Variants in ASAP1 observed in about 807,000 individuals in gnomAD.
ASAP1 encodes the protein ArfGAP with SH3 domain, ankyrin repeat and PH domain 1, also known as arf-GAP with SH3 domain, ANK repeat and PH domain-containing protein 1.
A neutral mutation model predicts 145.2 loss-of-function variants in ASAP1; 43 were observed. The observed-to-expected ratio is 0.30, with a 90% confidence interval of 0.23 to 0.38. ASAP1 has a LOEUF of 0.38. Among genes scored for constraint, ASAP1 ranks in the 10% least tolerant of loss-of-function variants. ASAP1 has a pLI of 1.00. For missense variants in ASAP1, 1,018 were observed against 1,355.3 expected (o/e 0.75, Z 3.91); for synonymous variants, 546 against 515.5 (o/e 1.06, Z -0.80).
chr8:130,148,093 GC>G (rs1397188791), intron 13 of ASAP1, among the ~76,000 whole-genome samples: 3 of 152,112 alleles, frequency 2.0e-5, no homozygotes, highest in Non-Finnish European at 2.9e-5. Flanking sequence ...ATCCCTTACA[GC>G]CCTCTCTACC....
intron 13 of ASAP1, among the ~76,000 whole-genome samples, chr8:130,152,090 C>T (rs1335535700): frequency 6.6e-6 from 1 of 152,184 alleles, no homozygotes; most frequent in African/African-American, 2.4e-5. Flanking sequence ...ATAATAAATG[C>T]TCATCTCTCT....
chr8:130,341,656 A>G (rs1825388168), intron 3 of ASAP1, among the ~76,000 whole-genome samples: 1 of 152,342 alleles, frequency 6.6e-6, no homozygotes, highest in Middle Eastern at 3.4e-3. Flanking sequence ...GCATCACCTG[A>G]TGAGGCTGGT....
intron 2 of ASAP1, among the ~76,000 whole-genome samples, chr8:130,374,712 G>C (rs1180793127): frequency 6.6e-6 from 1 of 152,232 alleles, no homozygotes; most frequent in African/African-American, 2.4e-5. Context: ...CTGAGCAAGT[G>C]TGTCTGAATC....
intron 4 of ASAP1, among the ~76,000 whole-genome samples, chr8:130,218,782 T>C (rs1441080084): frequency 6.6e-6 from 1 of 152,116 alleles, no homozygotes; most frequent in East Asian, 1.9e-4. Flanking sequence ...TAGATAAGTA[T>C]AGGCTAGGTC....
chr8:130,129,026 C>T (rs1047291236), intron 15 of ASAP1, among the ~76,000 whole-genome samples: 28 of 152,216 alleles, frequency 1.8e-4, no homozygotes, highest in African/African-American at 6.3e-4. Context: ...ATCAAGGTGG[C>T]GGTTTCCCCC....
chr8:130,275,663 C>T (rs535685801), intron 3 of ASAP1, among the ~76,000 whole-genome samples: 1 of 151,754 alleles, frequency 6.6e-6, no homozygotes, highest in East Asian at 1.9e-4. Context: ...AAGATTCTTG[C>T]ACAATTAGAG....
intron 2 of ASAP1, chr8:130,361,537 T>C: frequency 2.8e-6 from 2 of 702,446 alleles, no homozygotes; most frequent in South Asian, 3.2e-5. Context: ...GATTATGTTA[T>C]GTATCTGCTC....
chr8:130,351,117 CTCTT>C (rs1274331883), intron 3 of ASAP1, among the ~76,000 whole-genome samples: 1 of 152,252 alleles, frequency 6.6e-6, no homozygotes, highest in Non-Finnish European at 1.5e-5. Context: ...CTCTCCCAAA[CTCTT>C]TCTCTCTAGC....
intron 5 of ASAP1, among the ~76,000 whole-genome samples, chr8:130,204,099 G>A (rs1816046376): frequency 6.6e-6 from 1 of 152,214 alleles, no homozygotes; most frequent in African/African-American, 2.4e-5. Context: ...CACAGCAGGA[G>A]TGAGTTGCGG....
At chr8:130,243,026 C>G (rs1818634504) in intron 3 of ASAP1, among the ~76,000 whole-genome samples, 1 of 152,070 alleles carries the variant, frequency 6.6e-6, no homozygotes, top group African/African-American at 2.4e-5. Context: ...CTTATTCATC[C>G]ACTCAGTGTG....
chr8:130,104,963 G>A (rs546525768), intron 24 of ASAP1, among the ~76,000 whole-genome samples: 1 of 152,262 alleles, frequency 6.6e-6, no homozygotes, highest in Non-Finnish European at 1.5e-5. Context: ...TGCCACATAG[G>A]AAGGGTAATG....
intron 5 of ASAP1, among the ~76,000 whole-genome samples, chr8:130,211,483 T>C (rs1004202471): frequency 4.6e-5 from 7 of 152,184 alleles, no homozygotes; most frequent in African/African-American, 1.7e-4. Context: ...CATCATTTAG[T>C]GCACTGATAT....
intron 23 of ASAP1, among the ~76,000 whole-genome samples, chr8:130,113,569 TACAGGA>T (rs1206792305): frequency 3.3e-5 from 5 of 152,200 alleles, no homozygotes; most frequent in African/African-American, 1.2e-4. Context: ...CTGCCTGTGA[TACAGGA>T]AATGTCCAAT....
At chr8:130,341,061 C>T (rs922764452) in intron 3 of ASAP1, 8 of 366,428 alleles carry the variant, frequency 2.2e-5, no homozygotes, top group African/African-American at 8.5e-5. Flanking sequence ...AGTAACACCA[C>T]GTGGCTGTGA....
chr8:130,152,345 A>C (rs1249942489), intron 13 of ASAP1, among the ~76,000 whole-genome samples: 2 of 152,178 alleles, frequency 1.3e-5, no homozygotes, highest in Non-Finnish European at 2.9e-5. Context: ...GGCAAAACTT[A>C]CTGTGCACTT....
chr8:130,210,207 A>G (rs1816492557), intron 5 of ASAP1, among the ~76,000 whole-genome samples: 1 of 152,244 alleles, frequency 6.6e-6, no homozygotes, highest in African/African-American at 2.4e-5. Flanking sequence ...AGAAGTAGAC[A>G]TGAAAATATA....
chr8:130,067,024 C>T (rs2097432304), intron 27 of ASAP1, among the ~76,000 whole-genome samples: 1 of 152,180 alleles, frequency 6.6e-6, no homozygotes, highest in Middle Eastern at 3.2e-3. Flanking sequence ...ATCCTTTTGC[C>T]TTCCTCCTGG....
rs1429940573 is a variant in ASAP1, at chr8:130,419,960, T to TC, written c.-27-17991_-27-17990insG. 2.7e-3 allele frequency among the ~76,000 whole-genome samples: 415 copies of TC among 151,940 alleles called. 1 individual carries two copies. The highest frequency in any genetic ancestry group is 9.5e-3 in the African/African-American group (393 of 41,424). ...GCCTGCACCACCTTCTTCTTCTTTTTTTTTTTTTTAATAGAGATGGGGGTC... is the reference window on the plus strand; with the variant it reads ...GCCTGCACCACCTTCTTCTTCTTTTTCTTTTTTTTTAATAGAGATGGGGGTC... On this transcript the variant is annotated intron_variant, in intron 1 of 29. Coordinates refer to ENST00000518721, the MANE Select transcript of ASAP1 (RefSeq NM_018482.4).
At chr8:130,118,091 T>C (rs1055185059) in intron 20 of ASAP1, 70 bp downstream of exon 20, 8 of 1,335,442 alleles carry the variant, frequency 6.0e-6, no homozygotes, top group African/African-American at 4.4e-5. Context: ...TCTAGGCCAC[T>C]GATAGGACTG....
Sources: allele counts gnomAD v4.1 joint callset (sites outside exome capture counted in the v4.1 genomes callset), GRCh38; gene constraint gnomAD v4.1.1; transcripts MANE v1.5; gene names NCBI Gene and HGNC (gene_info 2026-07-23, HGNC 2026-07-21).